The following CAST variants were observed in gnomAD, a reference collection of about 807,000 sequenced individuals.
The protein encoded by CAST is MIR583 host.
In CAST, 76 loss-of-function variants were observed where a neutral mutation model predicts 119.6. The observed-to-expected ratio is 0.64, with a 90% CI of 0.53 to 0.77. The LOEUF is 0.77. Ranked by LOEUF, CAST falls within the 30% of genes least tolerant of loss-of-function variation. The probability of loss-of-function intolerance (pLI) is 0.00; values close to 1 mark genes in which losing one functional copy is unlikely to be tolerated. For synonymous variants in CAST, 319 were observed against 331.6 expected, an observed-to-expected ratio of 0.96 and a Z score of 0.41; for missense variants, 953 against 946.5, an observed-to-expected ratio of 1.01 and a Z score of -0.09.
At chr5:96,429,553 G>C in the CAST span, among the ~76,000 whole-genome samples, 1 of 152,000 alleles carries the variant, frequency 6.6e-6, no homozygotes, top group Non-Finnish European at 1.5e-5. Flanking sequence ...TCATCACCCA[G>C]GTATTAAGCC....
the CAST span, among the ~76,000 whole-genome samples, chr5:96,296,963 G>A: frequency 8.4e-4 from 128 of 152,242 alleles, no homozygotes; most frequent in Non-Finnish European, 1.6e-3. Flanking sequence ...ATAATATTTG[G>A]TAATTGGGTT....
chr5:96,415,104 T>A, the CAST span, among the ~76,000 whole-genome samples: 3,750 of 152,302 alleles, frequency 0.025, 152 homozygotes, highest in African/African-American at 0.086. Flanking sequence ...AGCCTGAGGT[T>A]GGGATAGCAT....
At chr5:96,517,284 C>G in the CAST span, among the ~76,000 whole-genome samples, 3 of 152,056 alleles carry the variant, frequency 2.0e-5, no homozygotes, top group African/African-American at 7.2e-5. Context: ...TAAGACATGA[C>G]CTAAATATTA....
At position 96,645,512 on chromosome 5, in the gene CAST, A is replaced by G. The variant is rs571171239; in HGVS notation, c.61-30027A>G. Among the ~76,000 whole-genome samples, 7 of 152,306 alleles carry G rather than the reference A, an allele frequency of 4.6e-5. No homozygotes were observed. In the South Asian group the frequency reaches 1.4e-3, roughly 32 times the overall value. On this transcript the variant is annotated intron_variant, in intron 1 of 11. Transcript: ENST00000505143. ...TTCAAACATAATATTCATTTGCAAGATTCTCTAAGATTATTAAAATTGACT... is the reference window on the plus strand; with the variant it reads ...TTCAAACATAATATTCATTTGCAAGGTTCTCTAAGATTATTAAAATTGACT...
At chr5:96,562,764 T>G (rs184477898) in intron 1 of CAST, among the ~76,000 whole-genome samples, 9 of 152,292 alleles carry the variant, frequency 5.9e-5, no homozygotes, top group African/African-American at 2.2e-4. Flanking sequence ...GTTAAATGCT[T>G]ATGATATTTT....
the CAST span, among the ~76,000 whole-genome samples, chr5:96,159,760 T>C: frequency 1.3e-5 from 2 of 152,202 alleles, no homozygotes; most frequent in Non-Finnish European, 2.9e-5. Context: ...TTTATTTTTA[T>C]TTTTTGCTTT....
At chr5:96,355,831 A>G in the CAST span, among the ~76,000 whole-genome samples, 5 of 152,008 alleles carry the variant, frequency 3.3e-5, no homozygotes, top group African/African-American at 4.8e-5. Context: ...CCTCCCGAGT[A>G]GCTGGGACTA....
the CAST span, among the ~76,000 whole-genome samples, chr5:96,346,555 T>C: frequency 6.6e-6 from 1 of 152,164 alleles, no homozygotes; most frequent in Admixed American, 6.5e-5. Context: ...ACTCCTGGAT[T>C]CGTATATTCT....
chr5:96,433,996 C>T, the CAST span: 1 of 152,118 alleles, frequency 6.6e-6, no homozygotes, highest in Non-Finnish European at 1.5e-5. Flanking sequence ...AAGAATTCGT[C>T]AACAAGGGGA....
At chr5:96,536,895 G>A (rs142937939) in intron 1 of CAST, among the ~76,000 whole-genome samples, 1 of 152,178 alleles carries the variant, frequency 6.6e-6, no homozygotes, top group Non-Finnish European at 1.5e-5. Flanking sequence ...ATCAGATATG[G>A]GGCAGGCATG....
chr5:96,357,964 C>CT, the CAST span, among the ~76,000 whole-genome samples: 1 of 151,900 alleles, frequency 6.6e-6, no homozygotes, highest in African/African-American at 2.4e-5. Flanking sequence ...TGGTCCTGAA[C>CT]TTTTTTTTGT....
At chr5:96,034,377 C>T in the CAST span, among the ~76,000 whole-genome samples, 2 of 150,452 alleles carry the variant, frequency 1.3e-5, no homozygotes, top group African/African-American at 4.9e-5. Flanking sequence ...TTAGTACAGC[C>T]ATTATGGAAA....
chr5:96,503,707 T>C, the CAST span, among the ~76,000 whole-genome samples: 1 of 152,136 alleles, frequency 6.6e-6, no homozygotes, highest in African/African-American at 2.4e-5. Flanking sequence ...CTTCTGATAG[T>C]CTCACTTGAG....
chr5:96,695,992 C>G, intron 3 of CAST, 85 bp downstream of exon 3: 1 of 794,702 alleles, frequency 1.3e-6, no homozygotes. Flanking sequence ...GAATGGCAAA[C>G]AGTGTCCAGA....
At chr5:96,110,046 C>T in the CAST span, among the ~76,000 whole-genome samples, 1 of 152,106 alleles carries the variant, frequency 6.6e-6, no homozygotes, top group Non-Finnish European at 1.5e-5. Flanking sequence ...GTGTCTAGCA[C>T]TTTGCCAAGG....
upstream of CAST, among the ~76,000 whole-genome samples, chr5:96,523,466 C>T (rs1225343892): frequency 6.6e-6 from 1 of 152,166 alleles, no homozygotes; most frequent in African/African-American, 2.4e-5. Context: ...TCAGACTCAC[C>T]CCACTTGCCC....
At chr5:96,763,963 C>CAAAA (rs35420188) in intron 25 of CAST, among the ~76,000 whole-genome samples, 2 of 145,998 alleles carry the variant, frequency 1.4e-5, no homozygotes, top group African/African-American at 2.5e-5. Flanking sequence ...CTTTTTACCT[C>CAAAA]AAAAAAAAAA....
At chr5:96,076,005 C>T in the CAST span, among the ~76,000 whole-genome samples, 2 of 152,074 alleles carry the variant, frequency 1.3e-5, no homozygotes, top group Admixed American at 6.5e-5. Flanking sequence ...GAGAAGTGAA[C>T]GTTGTCTGGG....
chr5:96,498,223 C>T, the CAST span, among the ~76,000 whole-genome samples: 1 of 152,130 alleles, frequency 6.6e-6, no homozygotes, highest in African/African-American at 2.4e-5. Context: ...TGGTCTATAT[C>T]TGTGTTTTGG....
Sources: gnomAD v4.1 joint callset for allele counts (sites outside exome capture counted in the v4.1 genomes callset) on GRCh38, gnomAD v4.1.1 for gene constraint, MANE v1.5 for transcripts, NCBI Gene and HGNC (gene_info 2026-07-23, HGNC 2026-07-21) for gene names.